Variants in FRMPD2 observed in about 807,000 individuals in gnomAD.
FRMPD2 encodes the protein FERM and PDZ domain-containing protein 2.
In FRMPD2, 96 loss-of-function variants were observed where a neutral mutation model predicts 140.1. The ratio of observed to expected loss-of-function variants is 0.69; its 90% CI spans 0.58 to 0.81. FRMPD2 has a LOEUF of 0.81. FRMPD2 is among the 40% of genes least tolerant of loss of function. FRMPD2 has a pLI of 0.00. For synonymous variants in FRMPD2, 449 were observed against 547.6 expected (o/e 0.82, Z 2.52); for missense variants, 1,240 against 1,447.4 (o/e 0.86, Z 2.32).
At chr10:48,226,435 G>C (rs982572594) in intron 10 of FRMPD2, among the ~76,000 whole-genome samples, 2 of 152,148 alleles carry the variant, frequency 1.3e-5, no homozygotes, top group Admixed American at 6.5e-5. Context: ...TTTTTAATAT[G>C]TGAATCTTCT....
chr10:48,214,972 G>C (rs568936525), intron 12 of FRMPD2, among the ~76,000 whole-genome samples: 1 of 152,182 alleles, frequency 6.6e-6, no homozygotes, highest in Non-Finnish European at 1.5e-5. Flanking sequence ...AAAAACCCCC[G>C]CATGTGATCA....
At chr10:48,242,050 ATTAAT>A (rs1237699934) in intron 5 of FRMPD2, 106 bp downstream of exon 5, 11 of 774,642 alleles carry the variant, frequency 1.4e-5, no homozygotes, top group South Asian at 2.5e-5. Context: ...GATGTGACTG[ATTAAT>A]TTAATTTTTT....
chr10:48,180,281 GACA>G (rs1287268910), intron 21 of FRMPD2, among the ~76,000 whole-genome samples: 1 of 152,232 alleles, frequency 6.6e-6, no homozygotes. Flanking sequence ...GGCCTGAGAA[GACA>G]ACACCACTGG....
In FRMPD2 at chr10:48,233,292, G is replaced by A. The variant is rs540307331; in HGVS notation, c.994-1003C>T. On this transcript the variant is annotated intron_variant, in intron 9 of 28. Coordinates refer to ENST00000374201, the MANE Select transcript of FRMPD2 (RefSeq NM_001018071.4). ...GGGGTTTCACACATGCCGCTGGGCAGGGCTGATCACACAGGCATACTCCAT... is the reference window on the plus strand; with the variant it reads ...GGGGTTTCACACATGCCGCTGGGCAAGGCTGATCACACAGGCATACTCCAT... Among the ~76,000 whole-genome samples the A allele has an allele frequency of 4.6e-5, 7 of 152,296 alleles. No individual in the cohort carries two copies. In the East Asian group the frequency reaches 1.4e-3, roughly 29 times the overall value.
At chr10:48,227,259 T>A (rs1383672552) in intron 10 of FRMPD2, among the ~76,000 whole-genome samples, 1 of 152,212 alleles carries the variant, frequency 6.6e-6, no homozygotes, top group Non-Finnish European at 1.5e-5. Flanking sequence ...GTCTTCTGTG[T>A]GATTTACCAC....
chr10:48,158,171 G>T (rs1410259673), intron 28 of FRMPD2, among the ~76,000 whole-genome samples: 1 of 151,268 alleles, frequency 6.6e-6, no homozygotes, highest in South Asian at 2.1e-4. Flanking sequence ...AAGAGGCAAG[G>T]CTTCATCTGA....
chr10:48,161,221 C>T (rs1188590288), intron 28 of FRMPD2, among the ~76,000 whole-genome samples: 6 of 149,776 alleles, frequency 4.0e-5, no homozygotes, highest in Admixed American at 6.6e-5. Flanking sequence ...ATAGGAGACT[C>T]CCCTGGAATG....
intron 14 of FRMPD2, among the ~76,000 whole-genome samples, chr10:48,205,730 ACT>A (rs1212275122): frequency 6.6e-6 from 1 of 152,168 alleles, no homozygotes; most frequent in Non-Finnish European, 1.5e-5. Flanking sequence ...ACTTGAATAA[ACT>A]CAATTAAATT....
intron 12 of FRMPD2, among the ~76,000 whole-genome samples, chr10:48,220,686 A>G (rs111413967): frequency 0.014 from 2,126 of 152,320 alleles, 40 homozygotes; most frequent in African/African-American, 0.047. Flanking sequence ...TGCAATCTAT[A>G]CATCCAACAA....
At chr10:48,174,123 A>G (rs1838340704) in intron 24 of FRMPD2, among the ~76,000 whole-genome samples, 1 of 152,222 alleles carries the variant, frequency 6.6e-6, no homozygotes, top group African/African-American at 2.4e-5. Context: ...TTTGGGAAAG[A>G]AAGCGAAAAG....
chr10:48,224,012 G>A (rs1839668921), intron 10 of FRMPD2, among the ~76,000 whole-genome samples: 1 of 152,174 alleles, frequency 6.6e-6, no homozygotes, highest in Admixed American at 6.5e-5. Context: ...CCCCTCTGTG[G>A]TATTTTGTTA....
intron 1 of FRMPD2, among the ~76,000 whole-genome samples, chr10:48,264,570 A>G (rs1175478101): frequency 1.3e-5 from 2 of 152,126 alleles, no homozygotes; most frequent in African/African-American, 4.8e-5. Flanking sequence ...GTAGAAATAA[A>G]CCTAACAAAA....
At chr10:48,216,321 T>TAGAC (rs555184717) in intron 12 of FRMPD2, among the ~76,000 whole-genome samples, 96 of 152,210 alleles carry the variant, frequency 6.3e-4, no homozygotes, top group African/African-American at 1.9e-3. Flanking sequence ...GATAGATAGA[T>TAGAC]AGATAGATGA....
chr10:48,266,264 G>T (rs1840676430), intron 1 of FRMPD2, among the ~76,000 whole-genome samples: 1 of 152,142 alleles, frequency 6.6e-6, no homozygotes, highest in Non-Finnish European at 1.5e-5. Context: ...TAACTATTGT[G>T]TCCTAGGCTT....
At chr10:48,220,200 A>T (rs1839550205) in intron 12 of FRMPD2, among the ~76,000 whole-genome samples, 1 of 152,248 alleles carries the variant, frequency 6.6e-6, no homozygotes, top group African/African-American at 2.4e-5. Flanking sequence ...CCATAAGGCC[A>T]TAGTCACCAG....
intron 22 of FRMPD2, chr10:48,177,650 C>T (rs1297976328): frequency 5.4e-6 from 1 of 185,754 alleles, no homozygotes; most frequent in Non-Finnish European, 1.2e-5. Context: ...TGATTCTATG[C>T]TGGATGACAG....
chr10:48,220,425 A>G (rs1039529193), intron 12 of FRMPD2, among the ~76,000 whole-genome samples: 1 of 152,230 alleles, frequency 6.6e-6, no homozygotes, highest in African/African-American at 2.4e-5. Flanking sequence ...CTCACCTTAT[A>G]CAAAAATCAA....
chr10:48,229,630 A>G (rs1264557448), intron 10 of FRMPD2, among the ~76,000 whole-genome samples: 1 of 152,134 alleles, frequency 6.6e-6, no homozygotes, highest in Non-Finnish European at 1.5e-5. Flanking sequence ...AATGTTCCTA[A>G]AATTGTACAA....
chr10:48,160,401 T>C (rs1431946867), intron 28 of FRMPD2, among the ~76,000 whole-genome samples: 1 of 150,682 alleles, frequency 6.6e-6, no homozygotes, highest in East Asian at 1.9e-4. Context: ...GGCAATTTGC[T>C]GGGAATTTCA....
Sources: allele counts gnomAD v4.1 joint callset (sites outside exome capture counted in the v4.1 genomes callset), GRCh38; gene constraint gnomAD v4.1.1; transcripts MANE v1.5; gene names NCBI Gene and HGNC (gene_info 2026-07-23, HGNC 2026-07-21).